The following PLXNA4 variants were observed in gnomAD, a reference collection of about 807,000 sequenced individuals.
The protein encoded by PLXNA4 is plexin A4, also known as plexin-A4.
PLXNA4 carries 44 observed loss-of-function variants against 191.8 expected under a neutral mutation model. The observed-to-expected ratio is 0.23, with a 90% CI of 0.18 to 0.29. The LOEUF is 0.29. Ranked by LOEUF, PLXNA4 falls within the 10% of genes least tolerant of loss-of-function variation. PLXNA4 has a pLI of 1.00. For missense variants in PLXNA4, 1,800 were observed against 2,488.8 expected, an observed-to-expected ratio of 0.72 and a Z score of 5.89; for synonymous variants, 1,082 against 1,009.5, an observed-to-expected ratio of 1.07 and a Z score of -1.36.
intron 3 of PLXNA4, among the ~76,000 whole-genome samples, chr7:132,482,618 G>A (rs997045431): frequency 5.3e-5 from 8 of 152,154 alleles, no homozygotes; most frequent in South Asian, 2.1e-4. Flanking sequence ...AGTAGTTCAC[G>A]GCAATCGATA....
chr7:132,365,366 C>CGTGCGCGCGT (rs1308957746), intron 3 of PLXNA4, among the ~76,000 whole-genome samples: 2 of 124,410 alleles, frequency 1.6e-5, no homozygotes, highest in South Asian at 2.9e-4. Flanking sequence ...TGTGTGCGTG[C>CGTGCGCGCGT]GCGCGCATGC....
chr7:132,200,599 T>C (rs779959908), intron 12 of PLXNA4, among the ~76,000 whole-genome samples: 3 of 152,200 alleles, frequency 2.0e-5, no homozygotes, highest in Non-Finnish European at 4.4e-5. Flanking sequence ...ATAAAGGGTC[T>C]GAAGCATGGG....
chr7:132,366,455 C>T (rs1010711589), intron 3 of PLXNA4, among the ~76,000 whole-genome samples: 2 of 151,864 alleles, frequency 1.3e-5, no homozygotes, highest in African/African-American at 4.8e-5. Flanking sequence ...ACTCAGGATG[C>T]GGAGGCTGCA....
chr7:132,398,691 C>T (rs1473668188), intron 3 of PLXNA4, among the ~76,000 whole-genome samples: 1 of 152,222 alleles, frequency 6.6e-6, no homozygotes, highest in African/African-American at 2.4e-5. Context: ...CAGCCTCTTT[C>T]GGCCCAATAG....
chr7:132,307,745 G>A (rs1344292989), intron 3 of PLXNA4, among the ~76,000 whole-genome samples: 3 of 152,150 alleles, frequency 2.0e-5, no homozygotes, highest in African/African-American at 7.2e-5. Flanking sequence ...CGTAAACCCT[G>A]CTTCTGTGTT....
At chr7:132,588,826 G>A (rs1490054105) in intron 2 of PLXNA4, among the ~76,000 whole-genome samples, 1 of 150,598 alleles carries the variant, frequency 6.6e-6, no homozygotes, top group Non-Finnish European at 1.5e-5. Flanking sequence ...AAAGAAAGAG[G>A]AAGGAGGGAA....
chr7:132,252,836 G>A (rs1266730872), intron 4 of PLXNA4, among the ~76,000 whole-genome samples: 1 of 150,144 alleles, frequency 6.7e-6, no homozygotes, highest in African/African-American at 2.5e-5. Context: ...CCATCCACAG[G>A]GGGCTGGCTA....
chr7:132,214,166 A>G (rs1247145563), intron 9 of PLXNA4, among the ~76,000 whole-genome samples: 1 of 152,132 alleles, frequency 6.6e-6, no homozygotes, highest in Non-Finnish European at 1.5e-5. Context: ...GGTCCCCCTG[A>G]AGTCCAGGGG....
intron 3 of PLXNA4, among the ~76,000 whole-genome samples, chr7:132,417,193 C>T (rs1354570649): frequency 6.6e-6 from 1 of 152,196 alleles, no homozygotes; most frequent in Non-Finnish European, 1.5e-5. Flanking sequence ...TGACAGCTCA[C>T]TTACCACGGA....
rs563729168 is a variant in PLXNA4, at chr7:132,437,192, A to G, written c.1371+52100T>C. On this transcript the variant is annotated intron_variant, in intron 3 of 31. Transcript: ENST00000321063. ...GAGAAGAGAATCCAATTCAGTGGCC[A>G]CACCAACTAATACAGGGCATCCACT... Among the ~76,000 whole-genome samples, 40 of 152,328 alleles carry G rather than the reference A, an allele frequency of 2.6e-4. No homozygotes were observed. The South Asian group carries it at 7.9e-3, about 30-fold the overall frequency.
At chr7:132,610,354 C>T (rs1318307788) in intron 2 of PLXNA4, among the ~76,000 whole-genome samples, 1 of 152,202 alleles carries the variant, frequency 6.6e-6, no homozygotes, top group Non-Finnish European at 1.5e-5. Context: ...TGGAGCTATG[C>T]TGTGTGCAAA....
intron 2 of PLXNA4, among the ~76,000 whole-genome samples, chr7:132,614,911 G>A (rs1474343683): frequency 1.3e-5 from 2 of 152,068 alleles, no homozygotes; most frequent in African/African-American, 4.8e-5. Flanking sequence ...CCTGTGTCCC[G>A]CCGGCTTCCA....
intron 4 of PLXNA4, among the ~76,000 whole-genome samples, chr7:132,293,596 AG>A (rs976972919): frequency 1.3e-5 from 2 of 152,228 alleles, no homozygotes; most frequent in Admixed American, 6.5e-5. Flanking sequence ...CAGGACAAAA[AG>A]GTTGTTTAGG....
chr7:132,644,655 C>T (rs547715890), intron 2 of PLXNA4, among the ~76,000 whole-genome samples: 2 of 152,292 alleles, frequency 1.3e-5, no homozygotes, highest in South Asian at 4.2e-4. Context: ...TAGATGGTCC[C>T]AGCCACTGTA....
At chr7:132,210,836 G>C in intron 10 of PLXNA4, 107 bp downstream of exon 10, 1 of 1,266,190 alleles carries the variant, frequency 7.9e-7, no homozygotes, top group East Asian at 2.4e-5. Context: ...TTTTGTGCGT[G>C]TTGAGGAAAC....
At chr7:132,381,859 C>T (rs1347898494) in intron 3 of PLXNA4, among the ~76,000 whole-genome samples, 1 of 152,160 alleles carries the variant, frequency 6.6e-6, no homozygotes, top group Non-Finnish European at 1.5e-5. Context: ...CCCCTGCAGC[C>T]CACAATCCCT....
At chr7:132,146,127 T>G in intron 28 of PLXNA4, among the ~76,000 whole-genome samples, 1 of 143,654 alleles carries the variant, frequency 7.0e-6, no homozygotes. Flanking sequence ...GCCTGGGAAG[T>G]CGTGATGGAG....
At chr7:132,411,569 G>T (rs1014927677) in intron 3 of PLXNA4, among the ~76,000 whole-genome samples, 1 of 152,152 alleles carries the variant, frequency 6.6e-6, no homozygotes, top group African/African-American at 2.4e-5. Flanking sequence ...CTTATCACAA[G>T]GCTTCAGCTA....
intron 2 of PLXNA4, among the ~76,000 whole-genome samples, chr7:132,606,829 C>G (rs555183156): frequency 6.6e-6 from 1 of 152,266 alleles, no homozygotes; most frequent in East Asian, 1.9e-4. Context: ...GCAGCTCGAG[C>G]TCTCATATAT....
Sources: gnomAD v4.1 joint callset for allele counts (sites outside exome capture counted in the v4.1 genomes callset) on GRCh38, gnomAD v4.1.1 for gene constraint, MANE v1.5 for transcripts, NCBI Gene and HGNC (gene_info 2026-07-23, HGNC 2026-07-21) for gene names.